Variants in PLEKHH2 observed in about 807,000 individuals in gnomAD.
The protein encoded by PLEKHH2 is pleckstrin homology, MyTH4 and FERM domain containing H2, also known as pleckstrin homology domain-containing family H member 2.
In PLEKHH2, 129 loss-of-function variants were observed where a neutral mutation model predicts 187.9. The observed-to-expected ratio is 0.69, with a 90% CI of 0.59 to 0.79. The LOEUF (loss-of-function observed/expected upper bound fraction) is 0.79. PLEKHH2 is among the 30% of genes least tolerant of loss of function. The pLI, the probability that PLEKHH2 is intolerant of heterozygous loss-of-function variation, is 0.00. For synonymous variants in PLEKHH2, 686 were observed against 605.6 expected (o/e 1.13, Z -1.95); for missense variants, 2,076 against 1,751.2 (o/e 1.19, Z -3.31).
At chr2:43,725,324 TTAGTG>T (rs1343275252) in intron 16 of PLEKHH2, among the ~76,000 whole-genome samples, 1 of 152,178 alleles carries the variant, frequency 6.6e-6, no homozygotes, top group Admixed American at 6.5e-5. Context: ...CTTCTCTATC[TTAGTG>T]TGTCCAAAGG....
At chr2:43,711,904 AAAAAAG>A in intron 14 of PLEKHH2, 2 of 1,000,736 alleles carry the variant, frequency 2.0e-6, no homozygotes, top group Non-Finnish European at 2.4e-6. Context: ...AAAAAAAAAA[AAAAAAG>A]AAAAGTAGGA....
rs757218922 is a variant in PLEKHH2 at position 43,706,391 on chromosome 2, C to T, written c.1796C>T (p.Thr599Ile). Reference sequence around the variant, plus strand: ...TCTCTGATATACAAGAACATGACCACCCCAGTGTATACAACTTTGAAGGGG... The same window carrying T: ...TCTCTGATATACAAGAACATGACCATCCCAGTGTATACAACTTTGAAGGGG... ...YTSLIYKNMT[T>I]PVYTTLKGKA... The change falls in exon 10 of 30, where the codon ACC becomes ATC. Residue 599 changes from threonine to isoleucine, a missense_variant. Physicochemically the swap from Thr to Ile is moderately conservative, Grantham distance 89. Coordinates refer to ENST00000282406, the MANE Select transcript of PLEKHH2 (RefSeq NM_172069.4). The T allele has an allele frequency of 4.4e-6, 7 of 1,601,420 alleles. No homozygotes were observed. The highest frequency in any genetic ancestry group is 6.0e-6 in the Non-Finnish European group (7 of 1,168,850).
At chr2:43,681,698 C>G in intron 3 of PLEKHH2, 2 of 541,142 alleles carry the variant, frequency 3.7e-6, no homozygotes, top group Non-Finnish European at 6.5e-6. Flanking sequence ...CATCAGGCCA[C>G]TGAGGGCCAG....
chr2:43,669,544 A>G (rs1667398109), intron 2 of PLEKHH2, among the ~76,000 whole-genome samples: 1 of 152,246 alleles, frequency 6.6e-6, no homozygotes, highest in Non-Finnish European at 1.5e-5. Flanking sequence ...CACGAATAGC[A>G]TGAATCATAA....
chr2:43,642,896 G>C (rs528744204), intron 1 of PLEKHH2, among the ~76,000 whole-genome samples: 7 of 152,176 alleles, frequency 4.6e-5, no homozygotes, highest in African/African-American at 1.7e-4. Flanking sequence ...TTAACAAATA[G>C]GTAAATAGAC....
intron 21 of PLEKHH2, among the ~76,000 whole-genome samples, chr2:43,742,006 G>A (rs932263040): frequency 6.6e-6 from 1 of 151,828 alleles, no homozygotes; most frequent in African/African-American, 2.4e-5. Context: ...TTTGTTTGAA[G>A]ATTTTTTTTT....
At chr2:43,702,400 T>C (rs1335272116) in intron 8 of PLEKHH2, among the ~76,000 whole-genome samples, 1 of 152,174 alleles carries the variant, frequency 6.6e-6, no homozygotes, top group Non-Finnish European at 1.5e-5. Context: ...TGTGAATCTC[T>C]GGAATTCTAA....
chr2:43,657,369 C>T (rs988086623), intron 2 of PLEKHH2, among the ~76,000 whole-genome samples: 1 of 152,166 alleles, frequency 6.6e-6, no homozygotes, highest in Non-Finnish European at 1.5e-5. Context: ...GATGCCTCAG[C>T]TGGGAGTGGT....
intron 19 of PLEKHH2, among the ~76,000 whole-genome samples, chr2:43,733,803 T>TTC (rs1671161241): frequency 6.6e-6 from 1 of 152,280 alleles, no homozygotes; most frequent in Non-Finnish European, 1.5e-5. Context: ...TATTATGCTG[T>TTC]TCTCTCTACT....
intron 2 of PLEKHH2, among the ~76,000 whole-genome samples, chr2:43,665,582 GT>G (rs1156453157): frequency 1.3e-5 from 1 of 75,394 alleles, no homozygotes; most frequent in South Asian, 5.5e-4. Flanking sequence ...TTTCTGTTCT[GT>G]TTTTTCCCCA....
At chr2:43,757,600 A>G (rs1372004665) in intron 26 of PLEKHH2, among the ~76,000 whole-genome samples, 4 of 151,800 alleles carry the variant, frequency 2.6e-5, no homozygotes, top group African/African-American at 9.7e-5. Context: ...TTGTATTTTT[A>G]GTAGAGATGG....
chr2:43,764,629 GT>G (rs1186610827), intron 29 of PLEKHH2, among the ~76,000 whole-genome samples: 1 of 152,096 alleles, frequency 6.6e-6, no homozygotes, highest in African/African-American at 2.4e-5. Context: ...AATGAAGGAA[GT>G]TTGTAGGGTA....
intron 3 of PLEKHH2, chr2:43,680,779 C>A: frequency 5.4e-6 from 2 of 367,694 alleles, no homozygotes; most frequent in South Asian, 5.7e-5. Flanking sequence ...TTTGTCATTC[C>A]AAGTTTCTCA....
At chr2:43,742,989 T>G in intron 22 of PLEKHH2, 71 bp downstream of exon 22, 1 of 1,221,452 alleles carries the variant, frequency 8.2e-7, no homozygotes, top group Non-Finnish European at 1.1e-6. Context: ...GAACAGAGAC[T>G]TCTCTGCTTA....
chr2:43,761,207 A>G lies in PLEKHH2; in HGVS notation c.4072-1097A>G, dbSNP rs145984654. On this transcript the variant is annotated intron_variant, in intron 27 of 29. Coordinates refer to ENST00000282406, the MANE Select transcript of PLEKHH2 (RefSeq NM_172069.4). Reference sequence around the variant, plus strand: ...CAACATTCATTCCAGTTTTATATCTATAGTCTTGACATTGTTTTGTAAAAT... The same window carrying G: ...CAACATTCATTCCAGTTTTATATCTGTAGTCTTGACATTGTTTTGTAAAAT... 3.0e-4 allele frequency among the ~76,000 whole-genome samples: 46 copies of G among 152,292 alleles called. 1 individual carries two copies. Among genetic ancestry groups the G allele is most frequent in the African/African-American group, 1.1e-3 (45 of 41,568 alleles).
At chr2:43,702,183 T>C (rs975353181) in intron 8 of PLEKHH2, among the ~76,000 whole-genome samples, 3 of 152,250 alleles carry the variant, frequency 2.0e-5, no homozygotes, top group Non-Finnish European at 4.4e-5. Flanking sequence ...TGGAGTCATG[T>C]TCTTTTATTA....
At chr2:43,679,491 T>C (rs1230204222) in intron 3 of PLEKHH2, 4 of 345,490 alleles carry the variant, frequency 1.2e-5, no homozygotes, top group African/African-American at 2.8e-5. Context: ...AATGATTTTT[T>C]CCCTTTTTTT....
intron 29 of PLEKHH2, 124 bp downstream of exon 29, chr2:43,764,489 C>A: frequency 2.0e-6 from 2 of 981,820 alleles, no homozygotes; most frequent in South Asian, 1.8e-5. Context: ...AGACTGCATT[C>A]CAGATGGGAA....
chr2:43,644,177 C>T (rs1666079551), intron 1 of PLEKHH2, among the ~76,000 whole-genome samples: 1 of 152,062 alleles, frequency 6.6e-6, no homozygotes, highest in Admixed American at 6.5e-5. Context: ...TGAATTGTAG[C>T]AATTGAATCA....
Sources: gnomAD v4.1 joint callset for allele counts (sites outside exome capture counted in the v4.1 genomes callset) on GRCh38, gnomAD v4.1.1 for gene constraint, MANE v1.5 for transcripts, NCBI Gene and HGNC (gene_info 2026-07-23, HGNC 2026-07-21) for gene names.